The following ERBB4 variants were observed in gnomAD, a reference collection of about 807,000 sequenced individuals.
ERBB4 encodes the protein erb-b2 receptor tyrosine kinase 4.
Under a neutral mutation model 158.0 loss-of-function variants are expected in ERBB4, and 42 were observed. That is an observed-to-expected ratio of 0.27 (90% CI 0.21 to 0.34). The LOEUF (loss-of-function observed/expected upper bound fraction) is 0.34. Ranked by LOEUF, ERBB4 falls within the 10% of genes least tolerant of loss-of-function variation. The probability of loss-of-function intolerance (pLI) is 1.00; values close to 1 mark genes in which losing one functional copy is unlikely to be tolerated. For synonymous variants in ERBB4, 583 were observed against 558.7 expected, an observed-to-expected ratio of 1.04 and a Z score of -0.61; for missense variants, 1,333 against 1,624.1, an observed-to-expected ratio of 0.82 and a Z score of 3.08.
At chr2:212,473,532 C>A (rs116688891) in intron 1 of ERBB4, among the ~76,000 whole-genome samples, 20 of 152,136 alleles carry the variant, frequency 1.3e-4, no homozygotes, top group Middle Eastern at 6.8e-3. Flanking sequence ...TAGTAAGTAG[C>A]TTTGTATATC....
chr2:211,987,330 C>CAAAAAAAAAAAA (rs564412801), intron 2 of ERBB4, among the ~76,000 whole-genome samples: 97 of 56,136 alleles, frequency 1.7e-3, no homozygotes, highest in Middle Eastern at 9.4e-3. Flanking sequence ...CAAGAAAAGA[C>CAAAAAAAAAAAA]AAAAAAAAAA....
chr2:211,716,703 A>G (rs1293594322), intron 7 of ERBB4, among the ~76,000 whole-genome samples: 1 of 100,674 alleles, frequency 9.9e-6, no homozygotes, highest in African/African-American at 5.2e-5. Context: ...ACAACAACAA[A>G]ACAAAACAAA....
Position 211,413,297 on chromosome 2 carries a change from C to A in ERBB4, c.3135+7144G>T, listed in dbSNP as rs1449352357. Among the ~76,000 whole-genome samples, 25 of 61,352 alleles carry A rather than the reference C, an allele frequency of 4.1e-4. 2 individuals are homozygous for A. The highest frequency in any genetic ancestry group is 1.2e-3 in the African/African-American group (24 of 19,986). The allele number at this position is 61,352 out of a possible 152,430, so 40.2% of individuals were successfully genotyped here. A position where few individuals can be genotyped will look rare whatever the true frequency, so the allele number is the denominator to read the frequency against. On this transcript the variant is annotated intron_variant, in intron 25 of 27. Transcript: ENST00000342788. Reference sequence around the variant, plus strand: ...ACTCTGGCTTGGGGACAGAGAGAGACCCTGTCTTAAAAACACACACACACA... The same window carrying A: ...ACTCTGGCTTGGGGACAGAGAGAGAACCTGTCTTAAAAACACACACACACA...
At chr2:212,056,187 G>A (rs2077561973) in intron 2 of ERBB4, among the ~76,000 whole-genome samples, 1 of 152,184 alleles carries the variant, frequency 6.6e-6, no homozygotes, top group Non-Finnish European at 1.5e-5. Flanking sequence ...AGTGATTGAA[G>A]ATCAAATTAA....
At chr2:212,127,190 C>T (rs1310954798) in intron 1 of ERBB4, among the ~76,000 whole-genome samples, 1 of 152,162 alleles carries the variant, frequency 6.6e-6, no homozygotes, top group African/African-American at 2.4e-5. Flanking sequence ...TTCCCTAATT[C>T]AATATAATGA....
chr2:212,175,171 C>G, intron 1 of ERBB4, among the ~76,000 whole-genome samples: 1 of 152,000 alleles, frequency 6.6e-6, no homozygotes, highest in East Asian at 1.9e-4. Context: ...ACTTTCAACT[C>G]CAGAAACAAG....
intron 2 of ERBB4, among the ~76,000 whole-genome samples, chr2:212,066,516 G>A (rs749137474): frequency 2.6e-5 from 4 of 151,838 alleles, no homozygotes; most frequent in Non-Finnish European, 4.4e-5. Flanking sequence ...GAAACTTCTT[G>A]GAGTTATATT....
At chr2:211,933,088 C>A (rs533938194) in intron 3 of ERBB4, among the ~76,000 whole-genome samples, 2 of 151,930 alleles carry the variant, frequency 1.3e-5, no homozygotes, top group East Asian at 3.9e-4. Flanking sequence ...TAGTTAGGTT[C>A]TCGTAATTTT....
At chr2:211,967,944 G>A (rs140696911) in intron 2 of ERBB4, among the ~76,000 whole-genome samples, 67 of 151,922 alleles carry the variant, frequency 4.4e-4, no homozygotes, top group African/African-American at 1.5e-3. Context: ...GATGTTAACT[G>A]TATAAAACAA....
chr2:211,605,759 T>C lies in ERBB4; in HGVS notation c.2301+13418A>G, dbSNP rs149856379. On this transcript the variant is annotated intron_variant, in intron 19 of 27. Coordinates refer to ENST00000342788, the MANE Select transcript of ERBB4 (RefSeq NM_005235.3). ...GAAGTATAAAAATAGTATTTTATAT[T>C]TATATAACACAGAATAGATAACAAG... is the stretch of plus-strand genomic sequence containing the variant. Among the ~76,000 whole-genome samples, 357 of 152,208 alleles carry C rather than the reference T, an allele frequency of 2.3e-3. 1 individual carries two copies. Among genetic ancestry groups the C allele is most frequent in the Non-Finnish European group, 4.4e-3 (301 of 67,960 alleles).
intron 1 of ERBB4, among the ~76,000 whole-genome samples, chr2:212,178,388 G>A (rs940825446): frequency 6.6e-6 from 1 of 151,698 alleles, no homozygotes; most frequent in Non-Finnish European, 1.5e-5. Context: ...TGAGAGTTAT[G>A]TAAAGAAGGA....
intron 3 of ERBB4, among the ~76,000 whole-genome samples, chr2:211,845,999 C>T (rs1168984522): frequency 6.6e-6 from 1 of 150,760 alleles, no homozygotes; most frequent in Non-Finnish European, 1.5e-5. Flanking sequence ...GCACTATTTC[C>T]AACAAATAAG....
intron 2 of ERBB4, among the ~76,000 whole-genome samples, chr2:212,032,043 T>C (rs1042043008): frequency 1.3e-5 from 2 of 152,098 alleles, no homozygotes; most frequent in African/African-American, 2.4e-5. Context: ...TTAATATTGC[T>C]AAATATTATT....
chr2:211,561,889 T>C lies in ERBB4; in HGVS notation c.2487+14A>G, dbSNP rs2067403473. The C allele has an allele frequency of 1.9e-6, 3 of 1,610,898 alleles. No homozygotes were observed. The highest frequency in any genetic ancestry group is 1.3e-5 in the African/African-American group (1 of 74,978). ...CTAAAAATGTAATTTCCATAGAAATTGACAGGCACTTACCTTAGCTATCTG... is the reference window on the plus strand; with the variant it reads ...CTAAAAATGTAATTTCCATAGAAATCGACAGGCACTTACCTTAGCTATCTG... On this transcript the variant is annotated intron_variant, in intron 20 of 27. Coordinates refer to ENST00000342788, the MANE Select transcript of ERBB4 (RefSeq NM_005235.3).
intron 2 of ERBB4, among the ~76,000 whole-genome samples, chr2:212,002,382 G>A (rs2076127036): frequency 6.6e-6 from 1 of 152,134 alleles, no homozygotes; most frequent in Non-Finnish European, 1.5e-5. Context: ...TTTCTTCAGG[G>A]AGATTAATTG....
At chr2:212,028,526 T>C (rs2076827048) in intron 2 of ERBB4, among the ~76,000 whole-genome samples, 4 of 152,158 alleles carry the variant, frequency 2.6e-5, no homozygotes, top group Admixed American at 2.6e-4. Context: ...TTGGCTTTAA[T>C]AAACTACCAA....
chr2:211,454,557 C>G (rs2064331231), intron 20 of ERBB4, among the ~76,000 whole-genome samples: 1 of 152,170 alleles, frequency 6.6e-6, no homozygotes, highest in Non-Finnish European at 1.5e-5. Context: ...CTCTCTCTCT[C>G]TCTTTAAAGT....
intron 20 of ERBB4, among the ~76,000 whole-genome samples, chr2:211,443,269 C>G (rs927143990): frequency 6.6e-6 from 1 of 152,010 alleles, no homozygotes; most frequent in Non-Finnish European, 1.5e-5. Flanking sequence ...CAATAATTTT[C>G]TATTGCTAAT....
At chr2:211,428,335 A>C in intron 22 of ERBB4, 73 bp downstream of exon 22, 1 of 853,808 alleles carries the variant, frequency 1.2e-6, no homozygotes, top group South Asian at 1.4e-5. Flanking sequence ...AATTTAGCTT[A>C]AGATATTTCA....
Sources: gnomAD v4.1 joint callset for allele counts (sites outside exome capture counted in the v4.1 genomes callset) on GRCh38, gnomAD v4.1.1 for gene constraint, MANE v1.5 for transcripts, NCBI Gene and HGNC (gene_info 2026-07-23, HGNC 2026-07-21) for gene names.